PPEF2: variants seen among roughly 807,000 people sequenced by gnomAD.
PPEF2 encodes serine/threonine-protein phosphatase with EF-hands 2.
A neutral mutation model predicts 84.7 loss-of-function variants in PPEF2; 84 were observed. The ratio of observed to expected loss-of-function variants is 0.99; its 90% CI spans 0.83 to 1.19. The LOEUF is 1.19. Among genes scored for constraint, PPEF2 ranks in the 50% most tolerant of loss-of-function variants. The probability of loss-of-function intolerance (pLI) is 0.00; values close to 1 mark genes in which losing one functional copy is unlikely to be tolerated. For missense variants in PPEF2, 924 were observed against 937.5 expected (o/e 0.99, Z 0.19); for synonymous variants, 346 against 345.2 (o/e 1.00, Z -0.03).
intron 2 of PPEF2, among the ~76,000 whole-genome samples, chr4:75,893,128 T>C (rs1331686900): frequency 6.6e-6 from 1 of 152,178 alleles, no homozygotes; most frequent in African/African-American, 2.4e-5. Flanking sequence ...ACTACTAGTA[T>C]TTCTCAAAGG....
At chr4:75,901,550 G>T (rs1202988285) in intron 1 of PPEF2, among the ~76,000 whole-genome samples, 1 of 151,908 alleles carries the variant, frequency 6.6e-6, no homozygotes, top group African/African-American at 2.4e-5. Context: ...GAACAGAAAG[G>T]GGAAGTAGAA....
chr4:75,889,483 C>T (rs1341210990), intron 5 of PPEF2, among the ~76,000 whole-genome samples: 1 of 152,174 alleles, frequency 6.6e-6, no homozygotes, highest in Non-Finnish European at 1.5e-5. Context: ...AATCACCTTC[C>T]CAGACAACTC....
intron 2 of PPEF2, among the ~76,000 whole-genome samples, chr4:75,893,487 GACACACAC>G (rs10624574): frequency 1.3e-5 from 2 of 148,934 alleles, no homozygotes; most frequent in East Asian, 3.9e-4. Context: ...TAGAGACTCT[GACACACAC>G]ACACACACAC....
chr4:75,901,593 A>T (rs1317985203), intron 1 of PPEF2, among the ~76,000 whole-genome samples: 1 of 152,018 alleles, frequency 6.6e-6, no homozygotes, highest in African/African-American at 2.4e-5. Context: ...AAATGTGAAA[A>T]CTTCATAAGG....
chr4:75,875,788 T>G (rs1187129201), intron 11 of PPEF2, among the ~76,000 whole-genome samples: 1 of 152,112 alleles, frequency 6.6e-6, no homozygotes, highest in Non-Finnish European at 1.5e-5. Context: ...CTCTTCCTTC[T>G]TCCGTACTGA....
At chr4:75,895,285 C>T (rs1354730035) in intron 2 of PPEF2, among the ~76,000 whole-genome samples, 2 of 151,096 alleles carry the variant, frequency 1.3e-5, no homozygotes, top group Admixed American at 1.3e-4. Flanking sequence ...AAAAATTAGC[C>T]GGGCATGGTG....
intron 4 of PPEF2, 136 bp from the exon 5 acceptor site, chr4:75,890,268 T>C (rs1724845956): frequency 2.2e-6 from 2 of 929,972 alleles, no homozygotes; most frequent in Non-Finnish European, 3.2e-6. Flanking sequence ...GGAGGATTGC[T>C]TGAGCCCAGG....
At position 75,860,766 on chromosome 4, in the gene PPEF2, G is replaced by GA. The variant is rs1560477584; in HGVS notation, c.2162dup (p.Arg722ProfsTer22). 6.2e-7 allele frequency: 1 copy of GA among 1,614,254 alleles called. No homozygotes were observed. ...CTGGGCAGGATTTCTCCACAAGGCG[G>GA]AAGGCCTCCAGGAACTCATTGATAT... is the stretch of plus-strand genomic sequence containing the variant. On this transcript the variant is annotated frameshift_variant, in exon 17 of 17. Coordinates refer to ENST00000286719, the MANE Select transcript of PPEF2 (RefSeq NM_006239.3). LOFTEE classifies it low-confidence loss of function (END_TRUNC).
intron 2 of PPEF2, among the ~76,000 whole-genome samples, chr4:75,895,731 C>CAA (rs1553909319): frequency 3.5e-4 from 50 of 142,314 alleles, no homozygotes; most frequent in African/African-American, 1.2e-3. Context: ...GACTCCGCCT[C>CAA]AAAAAAAAAA....
At position 75,876,338 on chromosome 4, in the gene PPEF2, T is replaced by C. The variant is rs776134580; in HGVS notation, c.1269A>G (p.Ala423=). The C allele has an allele frequency of 3.7e-6, 6 of 1,613,634 alleles. No homozygotes were observed. Among genetic ancestry groups the C allele is most frequent in the Admixed American group, 1.7e-5 (1 of 59,976 alleles). The change falls in exon 11 of 17, where the codon GCA becomes GCG. Residue 423 remains alanine (A), a synonymous_variant. Transcript: ENST00000286719. Reference sequence around the variant, plus strand: ...TCCGCAGCTCTCCGGCTTCAGAGTCTGCTTCTGAGGCTGAGCGGGAGGGCT... The same window carrying C: ...TCCGCAGCTCTCCGGCTTCAGAGTCCGCTTCTGAGGCTGAGCGGGAGGGCT... ...KEEPSRSASE[A]DSEAGELRKP... is the part of the protein sequence containing the mutation.
chr4:75,895,859 A>C (rs964915513), intron 2 of PPEF2, among the ~76,000 whole-genome samples: 1 of 151,646 alleles, frequency 6.6e-6, no homozygotes, highest in Non-Finnish European at 1.5e-5. Context: ...TACAGGTGTG[A>C]CCCACAACTC....
rs754840987 is a variant in PPEF2, at chr4:75,876,377, G to C, written c.1230C>G (p.Thr410=). ...RCRQQAGLLV[T]GEKEEPSRSA... ...AGCGGGAGGGCTCCTCTTTCTCTCC[G>C]GTCACCAGGAGGCCTGCTTGCTGCC... Residue 410 remains threonine, a synonymous_variant, in exon 11 of 17, where the codon ACC becomes ACG. Coordinates refer to ENST00000286719, the MANE Select transcript of PPEF2 (RefSeq NM_006239.3). The C allele has an allele frequency of 2.5e-6, 4 of 1,614,090 alleles. No homozygotes were observed. The South Asian group carries it at 3.3e-5, about 13-fold the overall frequency.
intron 13 of PPEF2, among the ~76,000 whole-genome samples, chr4:75,871,020 C>CA (rs1724258881): frequency 6.6e-6 from 1 of 151,658 alleles, no homozygotes; most frequent in Non-Finnish European, 1.5e-5. Context: ...TGGGTTCCAG[C>CA]AATTCTCCTG....
intron 6 of PPEF2, among the ~76,000 whole-genome samples, chr4:75,887,472 T>C (rs1375482917): frequency 6.6e-6 from 1 of 151,810 alleles, no homozygotes; most frequent in Non-Finnish European, 1.5e-5. Flanking sequence ...ATACAAAAAA[T>C]TAGCCGGGCG....
At position 75,876,445 on chromosome 4, in the gene PPEF2, G is replaced by A. The variant is rs1429833805; in HGVS notation, c.1162C>T (p.Arg388Trp). 7 of 1,613,958 alleles carry A rather than the reference G, an allele frequency of 4.3e-6. No individual in the cohort carries two copies. The highest frequency in any genetic ancestry group is 1.6e-4 in the Middle Eastern group (1 of 6,070). The change falls in exon 11 of 17, where the codon CGG becomes TGG. Residue 388 changes from arginine to tryptophan, a missense_variant. By Grantham distance (101) the Arg-to-Trp change is moderately radical. Coordinates refer to ENST00000286719, the MANE Select transcript of PPEF2 (RefSeq NM_006239.3). ...AGTTCCACGGAGCTCCGCACCTGCC[G>A]GGAGAGCTCCCGCCCGTCCAGGGAA... The part of the protein sequence containing the change: ...SGSLDGRELS[R>W]QVRSSVELEL...
At chr4:75,879,995 AT>A (rs1488422669) in intron 10 of PPEF2, among the ~76,000 whole-genome samples, 11 of 151,808 alleles carry the variant, frequency 7.2e-5, no homozygotes, top group Non-Finnish European at 1.3e-4. Flanking sequence ...CATCCAGCTA[AT>A]TTTTGTACTT....
At chr4:75,863,036 C>T (rs1724042501) in intron 16 of PPEF2, among the ~76,000 whole-genome samples, 2 of 152,152 alleles carry the variant, frequency 1.3e-5, no homozygotes. Flanking sequence ...TGACATAATC[C>T]AGACACCAAA....
intron 10 of PPEF2, among the ~76,000 whole-genome samples, chr4:75,880,689 T>C (rs762261119): frequency 2.0e-4 from 30 of 152,132 alleles, no homozygotes; most frequent in South Asian, 2.1e-4. Context: ...TGGCTAGGTG[T>C]GGTCACTTAT....
intron 13 of PPEF2, among the ~76,000 whole-genome samples, chr4:75,869,230 C>A (rs1469868762): frequency 6.6e-6 from 1 of 152,190 alleles, no homozygotes; most frequent in Non-Finnish European, 1.5e-5. Context: ...TGGAGTAGGG[C>A]AATGCCCTTG....
Sources: allele counts gnomAD v4.1 joint callset (sites outside exome capture counted in the v4.1 genomes callset), GRCh38; gene constraint gnomAD v4.1.1; transcripts MANE v1.5; gene names NCBI Gene and HGNC (gene_info 2026-07-23, HGNC 2026-07-21).